Variants in GPR75 observed in about 807,000 individuals in gnomAD.
GPR75 encodes G protein-coupled receptor 75.
Under a neutral mutation model 26.0 loss-of-function variants are expected in GPR75, and 27 were observed. The observed-to-expected ratio is 1.04, with a 90% CI of 0.77 to 1.43. GPR75 has a LOEUF of 1.43. GPR75 is among the 40% of genes most tolerant of loss of function. GPR75 has a pLI of 0.00. For synonymous variants in GPR75, 285 were observed against 256.3 expected (o/e 1.11, Z -1.07); for missense variants, 699 against 662.3 (o/e 1.06, Z -0.61).
In GPR75 at chr2:53,854,170, A is replaced by G. The variant is rs1257036645; in HGVS notation, c.587T>C (p.Ile196Thr). The G allele has an allele frequency of 6.2e-7, 1 of 1,614,182 alleles. No individual in the cohort carries two copies. Among genetic ancestry groups the G allele is most frequent in the African/African-American group, 1.3e-5 (1 of 75,068 alleles). ...SHLCLPMSSL[I>T]AGKGKAILSL... is the part of the protein sequence containing the mutation. ...CAAAATGGCTTTCCCTTTTCCAGCA[A>G]TCAGACTGGACATGGGAAGACAGAG... Residue 196 changes from isoleucine (I) to threonine (T), a missense_variant, in exon 2 of 2, where the codon ATT becomes ACT. Ile to Thr is a moderately conservative substitution (Grantham distance 89). Coordinates refer to ENST00000394705, the MANE Select transcript of GPR75 (RefSeq NM_006794.4).
chr2:53,857,112 C>G (rs1343805827), intron 1 of GPR75, among the ~76,000 whole-genome samples: 5 of 149,966 alleles, frequency 3.3e-5, no homozygotes, highest in African/African-American at 1.2e-4. Flanking sequence ...TACAGGCGCC[C>G]GCCACCGTGC....
At position 53,856,946 on chromosome 2, in the gene GPR75, ATTTTTTTTTT is replaced by A. The variant is rs10665107; in HGVS notation, c.-109-2091_-109-2082del. ...TGATACCTATATAATGAGAAAGACA[ATTTTTTTTTT>A]TTTTTTTTTTTTTTTTTTGAGACGG... On this transcript the variant is annotated intron_variant, in intron 1 of 1. Coordinates refer to ENST00000394705, the MANE Select transcript of GPR75 (RefSeq NM_006794.4). Among the ~76,000 whole-genome samples, 21 of 78,958 alleles carry A rather than the reference ATTTTTTTTTT, an allele frequency of 2.7e-4. No homozygotes were observed. In the South Asian group the frequency reaches 4.6e-3, roughly 17 times the overall value. The allele number at this position is 78,958 out of a possible 152,430, so 51.8% of individuals were successfully genotyped here.
intron 1 of GPR75, among the ~76,000 whole-genome samples, chr2:53,857,218 C>T (rs906271377): frequency 5.9e-5 from 9 of 151,866 alleles, no homozygotes; most frequent in South Asian, 2.1e-4. Context: ...CCACCCGCCT[C>T]GGCCTCCCAA....
At position 53,859,940 on chromosome 2, in the gene GPR75, C is replaced by T. The variant is rs1225229301; in HGVS notation, c.-222G>A. 2 of 1,492,968 alleles carry T rather than the reference C, an allele frequency of 1.3e-6. No individual in the cohort carries two copies. Among genetic ancestry groups the T allele is most frequent in the Non-Finnish European group, 8.9e-7 (1 of 1,126,122 alleles). 92.5% of individuals were successfully genotyped at this position (1,492,968 alleles called of 1,614,324 possible). On this transcript the variant is annotated 5_prime_UTR_variant, in exon 1 of 2. Coordinates refer to ENST00000394705, the MANE Select transcript of GPR75 (RefSeq NM_006794.4). ...GGCATCATCGCCATCGCCACCGCCT[C>T]CGCGCATCCCGGGAGCCGCGGCAAG...
chr2:53,857,485 A>G (rs955317702), intron 1 of GPR75, among the ~76,000 whole-genome samples: 1 of 152,086 alleles, frequency 6.6e-6, no homozygotes, highest in African/African-American at 2.4e-5. Flanking sequence ...TGGGGAAATT[A>G]GAAGAATGAG....
At chr2:53,857,326 A>G (rs1273909022) in intron 1 of GPR75, among the ~76,000 whole-genome samples, 1 of 152,128 alleles carries the variant, frequency 6.6e-6, no homozygotes, top group Non-Finnish European at 1.5e-5. Context: ...CAGCTAATTT[A>G]TGAAAAGGGA....
Position 53,853,739 on chromosome 2 carries a change from A to C in GPR75, c.1018T>G (p.Ser340Ala). 6.2e-7 allele frequency: 1 copy of C among 1,614,184 alleles called. No homozygotes were observed. The highest frequency in any genetic ancestry group is 8.5e-7 in the Non-Finnish European group (1 of 1,179,988). ...CTGGAGAGAACCACCTGTACCAAGG[A>C]AATCCCCAGTGGAAGACAGCACACC... ...VLVCCLPLGISLVQVVLSSNG... is the reference protein window; with the variant it reads ...VLVCCLPLGIALVQVVLSSNG... Residue 340 changes from serine to alanine, a missense_variant, in exon 2 of 2, where the codon TCC becomes GCC. By Grantham distance (99) the Ser-to-Ala change is moderately conservative. Coordinates refer to ENST00000394705, the MANE Select transcript of GPR75 (RefSeq NM_006794.4).
At chr2:53,856,530 G>C (rs905455015) in intron 1 of GPR75, among the ~76,000 whole-genome samples, 1 of 152,196 alleles carries the variant, frequency 6.6e-6, no homozygotes, top group Non-Finnish European at 1.5e-5. Flanking sequence ...GAATGAACCA[G>C]GTCAGTCAGG....
intron 1 of GPR75, among the ~76,000 whole-genome samples, chr2:53,855,685 C>A (rs542892177): frequency 6.6e-6 from 1 of 152,018 alleles, no homozygotes; most frequent in Non-Finnish European, 1.5e-5. Context: ...AGAAGCACTG[C>A]GGCAAAAAAC....
At chr2:53,857,586 G>C (rs189672523) in intron 1 of GPR75, among the ~76,000 whole-genome samples, 217 of 152,170 alleles carry the variant, frequency 1.4e-3, no homozygotes, top group Admixed American at 4.1e-3. Flanking sequence ...CAGGCTAAGA[G>C]ATATTTGGAA....
Position 53,853,449 on chromosome 2 carries a change from C to T in GPR75, c.1308G>A (p.Lys436=), listed in dbSNP as rs1032213558. 6.2e-7 allele frequency: 1 copy of T among 1,613,970 alleles called. No individual in the cohort carries two copies. The highest frequency in any genetic ancestry group is 1.3e-5 in the African/African-American group (1 of 74,900). The part of the protein sequence containing the change: ...ETNSAYMLSP[K]PQKKFVDQAC... ...CCTGGTCCACAAATTTCTTCTGTGG[C>T]TTTGGAGATAACATGTAGGCAGAGT... is the stretch of plus-strand genomic sequence containing the variant. Residue 436 remains lysine (K), a synonymous_variant, in exon 2 of 2, where the codon AAG becomes AAA. Coordinates refer to ENST00000394705, the MANE Select transcript of GPR75 (RefSeq NM_006794.4).
At chr2:53,859,718 G>A (rs1477556675) in intron 1 of GPR75, 110 bp downstream of exon 1, 3 of 751,410 alleles carry the variant, frequency 4.0e-6, no homozygotes, top group Non-Finnish European at 4.1e-6. Flanking sequence ...ACAGGTACGC[G>A]GAGCCGGGCC....
intron 1 of GPR75, 150 bp downstream of exon 1, chr2:53,859,678 G>T: frequency 1.7e-6 from 1 of 588,456 alleles, no homozygotes; most frequent in Non-Finnish European, 2.9e-6. Flanking sequence ...GGACGGGCGA[G>T]AAGGCTACCC....
chr2:53,859,414 G>C (rs1487822456), intron 1 of GPR75, among the ~76,000 whole-genome samples: 1 of 152,154 alleles, frequency 6.6e-6, no homozygotes, highest in South Asian at 2.1e-4. Flanking sequence ...GAAGAGGCCA[G>C]GGAGCCCCCA....
rs1034396912 is a variant in GPR75 at position 53,854,668 on chromosome 2, T to G, written c.89A>C (p.Gln30Pro). Residue 30 changes from glutamine to proline, a missense_variant, in exon 2 of 2, where the codon CAG becomes CCG. Gln to Pro is a moderately conservative substitution (Grantham distance 76, BLOSUM62 -1). Coordinates refer to ENST00000394705, the MANE Select transcript of GPR75 (RefSeq NM_006794.4). ...GTGGATGAGATCCTGAAGACCCTCC[T>G]GGAGAGAGGTGCTGTTTCCTTCCTG... ...HSQEGNSTSLQEGLQDLIHTA... is the reference protein window; with the variant it reads ...HSQEGNSTSLPEGLQDLIHTA... 1 of 1,613,954 alleles carries G rather than the reference T, an allele frequency of 6.2e-7. No individual in the cohort carries two copies. Among genetic ancestry groups the G allele is most frequent in the African/African-American group, 1.3e-5 (1 of 74,916 alleles).
rs370450392 is a variant in GPR75 at position 53,853,324 on chromosome 2, C to T, written c.1433G>A (p.Arg478Gln). ...ATAGATGCTGTAGTAAGGTTCAATC[C>T]GAGTGTTGATGGGGGTCGAGCTGCT... ...GQSSSTPINT[R>Q]IEPYYSIYNS... The change falls in exon 2 of 2, where the codon CGG becomes CAG. Residue 478 changes from arginine to glutamine, a missense_variant. Arg to Gln is a conservative substitution (Grantham distance 43). Transcript: ENST00000394705. 3.5e-5 allele frequency: 56 copies of T among 1,614,104 alleles called. No homozygotes were observed. Among genetic ancestry groups the T allele is most frequent in the Admixed American group, 2.7e-4 (16 of 60,008 alleles).
At position 53,854,810 on chromosome 2, in the gene GPR75, G is replaced by C. The variant is rs1400968943; in HGVS notation, c.-54C>G. On this transcript the variant is annotated 5_prime_UTR_variant, in exon 2 of 2. Coordinates refer to ENST00000394705, the MANE Select transcript of GPR75 (RefSeq NM_006794.4). ...CTCCCCAAAAATACTCAGTGAGTCA[G>C]GGCCTCAGCTCACAGATGAGCAATA... The C allele has an allele frequency of 7.1e-7, 1 of 1,412,094 alleles. No individual in the cohort carries two copies. The highest frequency in any genetic ancestry group is 9.8e-7 in the Non-Finnish European group (1 of 1,015,660). 87.5% of individuals were successfully genotyped at this position (1,412,094 alleles called of 1,614,324 possible).
chr2:53,859,890 C>A lies in GPR75; in HGVS notation c.-172G>T. The A allele has an allele frequency of 1.3e-6, 2 of 1,532,368 alleles. No individual in the cohort carries two copies. Among genetic ancestry groups the A allele is most frequent in the Admixed American group, 2.0e-5 (1 of 50,678 alleles). 94.9% of individuals were successfully genotyped at this position (1,532,368 alleles called of 1,614,324 possible). On this transcript the variant is annotated 5_prime_UTR_variant, in exon 1 of 2. Transcript: ENST00000394705. ...GCAGTCCGGACCCCAGCTCCGCCTG[C>A]CGCTCTGGATGATGCAGGACTAGAG...
rs1297922750 is a variant in GPR75, at chr2:53,854,816, C to A, written c.-60G>T. The A allele has an allele frequency of 2.2e-6, 3 of 1,352,136 alleles. No individual in the cohort carries two copies. Among genetic ancestry groups the A allele is most frequent in the Admixed American group, 1.8e-5 (1 of 54,166 alleles). The allele number at this position is 1,352,136 out of a possible 1,614,324, so 83.8% of individuals were successfully genotyped here. On this transcript the variant is annotated 5_prime_UTR_variant, in exon 2 of 2. The change abolishes the stop of an existing upstream ORF in the 5' untranslated region. Coordinates refer to ENST00000394705, the MANE Select transcript of GPR75 (RefSeq NM_006794.4). ...AAAAATACTCAGTGAGTCAGGGCCTCAGCTCACAGATGAGCAATATGTGAC... is the reference window on the plus strand; with the variant it reads ...AAAAATACTCAGTGAGTCAGGGCCTAAGCTCACAGATGAGCAATATGTGAC...
Sources: gnomAD v4.1 joint callset for allele counts (sites outside exome capture counted in the v4.1 genomes callset) on GRCh38, gnomAD v4.1.1 for gene constraint, MANE v1.5 for transcripts, NCBI Gene and HGNC (gene_info 2026-07-23, HGNC 2026-07-21) for gene names.